The following LAMA5 variants were observed in gnomAD, a reference collection of about 807,000 sequenced individuals.
The protein encoded by LAMA5 is laminin subunit alpha-5.
In LAMA5, 260 loss-of-function variants were observed where a neutral mutation model predicts 433.4. The observed-to-expected ratio is 0.60, with a 90% CI of 0.54 to 0.66. The LOEUF (loss-of-function observed/expected upper bound fraction) is 0.66, where lower values mean the gene tolerates loss of function less well. Ranked by LOEUF, LAMA5 falls within the 30% of genes least tolerant of loss-of-function variation. The probability of loss-of-function intolerance (pLI) is 0.00; values close to 1 mark genes in which losing one functional copy is unlikely to be tolerated. For synonymous variants in LAMA5, 2,620 were observed against 2,226.6 expected, an observed-to-expected ratio of 1.18 and a Z score of -4.97; for missense variants, 5,378 against 5,258.5, an observed-to-expected ratio of 1.02 and a Z score of -0.70.
In LAMA5 at chr20:62,338,259, C is replaced by CG; in HGVS notation, c.1728dup (p.Gly577ArgfsTer25). 5.0e-6 allele frequency: 8 copies of CG among 1,599,774 alleles called. No homozygotes were observed. Among genetic ancestry groups the CG allele is most frequent in the Non-Finnish European group, 6.0e-6 (7 of 1,172,510 alleles). On this transcript the variant is annotated frameshift_variant, in exon 13 of 80. Coordinates refer to ENST00000252999, the MANE Select transcript of LAMA5 (RefSeq NM_005560.6). LOFTEE classifies it high-confidence loss of function. ...TGGCAGAGAGGGAAGTGAAAGTAGC[C>CG]GGGGGCACAGCGATCACATGTGGCC...
chr20:62,321,677 G>A (rs1601317085), intron 48 of LAMA5, among the ~76,000 whole-genome samples: 1 of 99,510 alleles, frequency 1.0e-5, no homozygotes, highest in Non-Finnish European at 2.1e-5. Flanking sequence ...GGTGGGGTCA[G>A]TGGAGGGGTG....
At chr20:62,327,139 C>T in intron 38 of LAMA5, 94 bp downstream of exon 38, 2 of 1,284,054 alleles carry the variant, frequency 1.6e-6, no homozygotes, top group Non-Finnish European at 2.1e-6. Context: ...ATGGAGCTCC[C>T]CCTCCCTGGA....
rs774285266 is a variant in LAMA5, at chr20:62,332,321, ATCT to A, written c.3552+48_3552+50del. ...CTCTCCCCTCTCATGCATGTTTCAA[ATCT>A]TCTGAAAGAAGCTGACCCCTTGGGG... On this transcript the variant is annotated intron_variant, in intron 28 of 79. Transcript: ENST00000252999. 2.2e-6 allele frequency: 3 copies of A among 1,340,850 alleles called. No individual in the cohort carries two copies. The East Asian group carries it at 7.0e-5, about 31-fold the overall frequency. The allele number at this position is 1,340,850 out of a possible 1,614,324, so 83.1% of individuals were successfully genotyped here. A position where few individuals can be genotyped will look rare whatever the true frequency, so the allele number is the denominator to read the frequency against.
chr20:62,327,502 G>T, intron 37 of LAMA5, 27 bp downstream of exon 37: 1 of 1,612,198 alleles, frequency 6.2e-7, no homozygotes, highest in Non-Finnish European at 8.5e-7. Context: ...CCCCGAGAAG[G>T]CAATGCCCTC....
At chr20:62,314,230 G>C (rs748613361) in intron 62 of LAMA5, 74 bp downstream of exon 62, 1 of 1,538,152 alleles carries the variant, frequency 6.5e-7, no homozygotes, top group East Asian at 2.3e-5. Flanking sequence ...GGGTGCACAC[G>C]GAGAGGGGAG....
rs1568897576 is a variant in LAMA5 at position 62,313,837 on chromosome 20, G to GGAGAGATGAGGGGTGGCGAGTGGGCACA, written c.8505-36_8505-35insTGTGCCCACTCGCCACCCCTCATCTCTC. The GGAGAGATGAGGGGTGGCGAGTGGGCACA allele has an allele frequency of 1.9e-5, 30 of 1,574,944 alleles. 3 individuals carry two copies. The highest frequency in any genetic ancestry group is 6.9e-5 in the East Asian group (3 of 43,698). ...GAGGCGAGGGGTGGCGAGTGGGCAC[G>GGAGAGATGAGGGGTGGCGAGTGGGCACA]GAGAGATGAGGGGTGGCGAGTGGGC... On this transcript the variant is annotated intron_variant, in intron 62 of 79. Transcript: ENST00000252999.
At position 62,359,648 on chromosome 20, in the gene LAMA5, A is replaced by G. The variant is rs1434258530; in HGVS notation, c.450+2752T>C. On this transcript the variant is annotated intron_variant, in intron 2 of 79. Transcript: ENST00000252999. The surrounding 1 kb of genome is among the most constrained non-coding windows in gnomAD (Gnocchi z 4.3). ...TCTGGAACTCGGAAACTGCCCCCTG[A>G]GTCACCAGTGACCAGCGCTGGAGCC... Among the ~76,000 whole-genome samples, 1 of 152,024 alleles carries G rather than the reference A, an allele frequency of 6.6e-6. No individual in the cohort carries two copies. The highest frequency in any genetic ancestry group is 1.5e-5 in the Non-Finnish European group (1 of 67,960).
Position 62,326,984 on chromosome 20 carries a change from A to T in LAMA5, c.5113-18T>A. 2 of 1,557,802 alleles carry T rather than the reference A, an allele frequency of 1.3e-6. No homozygotes were observed. Among genetic ancestry groups the T allele is most frequent in the Non-Finnish European group, 1.8e-6 (2 of 1,135,702 alleles). On this transcript the variant is annotated intron_variant, in intron 38 of 79. Coordinates refer to ENST00000252999, the MANE Select transcript of LAMA5 (RefSeq NM_005560.6). ...GATGACACCTGGAGGCAGGACAGAC[A>T]GAGGTGACCTGGCCAGACTCTGGCC...
At chr20:62,315,825 C>G in intron 58 of LAMA5, 123 bp downstream of exon 58, 1 of 724,726 alleles carries the variant, frequency 1.4e-6, no homozygotes, top group Non-Finnish European at 2.3e-6. Context: ...CTGGCCCCAG[C>G]TGCCCACTGT....
At chr20:62,326,583 G>A (rs1979328728) in intron 40 of LAMA5, 94 bp downstream of exon 40, 9 of 1,034,470 alleles carry the variant, frequency 8.7e-6, no homozygotes, top group South Asian at 1.4e-5. Context: ...TTCCACCACG[G>A]AGAATGGGCA....
chr20:62,309,841 A>G lies in LAMA5; in HGVS notation c.10829-6T>C. 1.2e-6 allele frequency: 2 copies of G among 1,611,354 alleles called. No individual in the cohort carries two copies. Among genetic ancestry groups the G allele is most frequent in the Admixed American group, 3.3e-5 (2 of 59,702 alleles). ...CACATTCCCGCTTTTCATCACTGGG[A>G]GAAAGGGGGACTCCTGAGGCCAGGT... On this transcript the variant is annotated splice_region_variant and splice_polypyrimidine_tract_variant and intron_variant, in intron 78 of 79. Coordinates refer to ENST00000252999, the MANE Select transcript of LAMA5 (RefSeq NM_005560.6).
chr20:62,340,826 G>C (rs927900194), intron 11 of LAMA5, among the ~76,000 whole-genome samples: 2 of 151,828 alleles, frequency 1.3e-5, no homozygotes, highest in Non-Finnish European at 2.9e-5. Context: ...ACTGAGGTCA[G>C]GAGTTCGAGA....
chr20:62,323,708 G>A (rs1197613364), intron 44 of LAMA5, 38 bp from the exon 45 acceptor site: 27 of 1,592,578 alleles, frequency 1.7e-5, no homozygotes, highest in Non-Finnish European at 2.3e-5. Flanking sequence ...AGTGGCCCGT[G>A]GCGCCCACCC....
At chr20:62,354,863 A>C (rs2146326510) in intron 2 of LAMA5, among the ~76,000 whole-genome samples, 1 of 151,908 alleles carries the variant, frequency 6.6e-6, no homozygotes, top group African/African-American at 2.4e-5. Flanking sequence ...CTCTCAAACA[A>C]AGGGGAAAGG....
rs1161417022 is a variant in LAMA5, at chr20:62,313,659, C to A, written c.8648G>T (p.Ser2883Ile). The A allele has an allele frequency of 2.5e-6, 4 of 1,612,620 alleles. No homozygotes were observed. The highest frequency in any genetic ancestry group is 3.4e-6 in the Non-Finnish European group (4 of 1,179,950). ...GCCGGGCGGGCTCACCGTGAAGGTA[C>A]TGGGGTACCCCCCGACGTAGAAGAC... is the stretch of plus-strand genomic sequence containing the variant. ...DFVFYVGGYPSTFTPPPLLRF... is the reference protein window; with the variant it reads ...DFVFYVGGYPITFTPPPLLRF... Residue 2883 changes from serine to isoleucine, a missense_variant, in exon 63 of 80, where the codon AGT becomes ATT. Transcript: ENST00000252999.
At chr20:62,320,994 G>T in intron 48 of LAMA5, 104 bp from the exon 49 acceptor site, 1 of 1,255,194 alleles carries the variant, frequency 8.0e-7, no homozygotes, top group Non-Finnish European at 1.1e-6. Flanking sequence ...CTCAGCCAGA[G>T]GTCATGAGGT....
intron 51 of LAMA5, 190 bp from the exon 52 acceptor site, chr20:62,319,203 T>A: frequency 1.7e-6 from 1 of 596,264 alleles, no homozygotes. Context: ...GGCCCTCACC[T>A]CCTGCAGTGC....
rs780741031 is a variant in LAMA5, at chr20:62,314,879, G to A, written c.8116C>T (p.His2706Tyr). 3 of 1,611,882 alleles carry A rather than the reference G, an allele frequency of 1.9e-6. No individual in the cohort carries two copies. Among genetic ancestry groups the A allele is most frequent in the Non-Finnish European group, 2.5e-6 (3 of 1,179,826 alleles). ...GCGGACAGGGCCAGGCTGGCGTTGTGCACCCCACGGTTCTCCAGGATGCTC... is the reference window on the plus strand; with the variant it reads ...GCGGACAGGGCCAGGCTGGCGTTGTACACCCCACGGTTCTCCAGGATGCTC... ...KLSILENRGV[H>Y]NASLALSASI... The change falls in exon 60 of 80, where the codon CAC becomes TAC. Residue 2706 changes from histidine (H) to tyrosine (Y), a missense_variant. Transcript: ENST00000252999.
chr20:62,323,263 G>C (rs1978644632), intron 45 of LAMA5, among the ~76,000 whole-genome samples, 193 bp downstream of exon 45: 1 of 91,334 alleles, frequency 1.1e-5, no homozygotes, highest in African/African-American at 4.5e-5. Context: ...GGGAGGGCCT[G>C]ATCGCTGGGG....
Sources: gnomAD v4.1 joint callset for allele counts (sites outside exome capture counted in the v4.1 genomes callset) on GRCh38, gnomAD v4.1.1 for gene constraint, Gnocchi (gnomAD v3.1) non-coding constraint, MANE v1.5 for transcripts, NCBI Gene and HGNC (gene_info 2026-07-23, HGNC 2026-07-21) for gene names.